MLH3: variants seen among roughly 807,000 people sequenced by gnomAD.
MLH3 encodes the protein DNA mismatch repair protein Mlh3.
A neutral mutation model predicts 122.2 loss-of-function variants in MLH3; 82 were observed. The ratio of observed to expected loss-of-function variants is 0.67; its 90% CI spans 0.56 to 0.81. MLH3 has a LOEUF of 0.81. Among genes scored for constraint, MLH3 ranks in the 30% least tolerant of loss-of-function variants. MLH3 has a pLI of 0.00. For synonymous variants in MLH3, 524 were observed against 599.5 expected, an observed-to-expected ratio of 0.87 and a Z score of 1.84; for missense variants, 1,539 against 1,714.5, an observed-to-expected ratio of 0.90 and a Z score of 1.81.
chr14:75,038,692 C>G (rs1891593097), intron 5 of MLH3, among the ~76,000 whole-genome samples: 1 of 152,014 alleles, frequency 6.6e-6, no homozygotes, highest in Non-Finnish European at 1.5e-5. Flanking sequence ...TAGAGAAGGC[C>G]TGAGATGTTC....
chr14:75,031,627 C>T (rs1323973656), intron 8 of MLH3, among the ~76,000 whole-genome samples: 1 of 152,150 alleles, frequency 6.6e-6, no homozygotes, highest in African/African-American at 2.4e-5. Flanking sequence ...GCCTGGGTAA[C>T]ATGGCGAAAA....
chr14:75,027,922 G>A (rs1290455019), intron 9 of MLH3, among the ~76,000 whole-genome samples: 4 of 151,572 alleles, frequency 2.6e-5, no homozygotes, highest in Non-Finnish European at 4.4e-5. Context: ...GGATAGAGAA[G>A]TGAATTACTT....
chr14:75,046,629 T>C lies in MLH3; in HGVS notation c.3027A>G (p.Val1009=). 4 of 1,614,254 alleles carry C rather than the reference T, an allele frequency of 2.5e-6. No homozygotes were observed. Among genetic ancestry groups the C allele is most frequent in the Non-Finnish European group, 3.4e-6 (4 of 1,180,034 alleles). The change falls in exon 2 of 13, where the codon GTA becomes GTG. Residue 1009 remains valine (V), a synonymous_variant. Transcript: ENST00000355774. The stretch of plus-strand genomic sequence containing the variant: ...CATTTTGGTCACCTGTGGCATCTTC[T>C]ACCGGATTCATTAACATTCCACTGG... ...DSPSGMLMNP[V]EDATGDQNGI... is the part of the protein sequence containing the mutation.
rs1220602758 is a variant in MLH3 at position 75,047,561 on chromosome 14, C to T, written c.2095G>A (p.Glu699Lys). The T allele has an allele frequency of 1.2e-6, 2 of 1,613,994 alleles. No homozygotes were observed. Among genetic ancestry groups the T allele is most frequent in the South Asian group, 2.2e-5 (2 of 91,082 alleles). Residue 699 changes from glutamate (E) to lysine (K), a missense_variant, in exon 2 of 13, where the codon GAA becomes AAA. Coordinates refer to ENST00000355774, the MANE Select transcript of MLH3 (RefSeq NM_001040108.2). The part of the protein sequence containing the change: ...ATYTMFSAFQ[E>K]GSKKSQTDCI... ...TCTGTTTGTGATTTTTTGCTACCTT[C>T]CTGAAAAGCAGAAAACATTGTATAA...
At chr14:75,024,393 G>A (rs949252347) in intron 9 of MLH3, among the ~76,000 whole-genome samples, 1 of 152,150 alleles carries the variant, frequency 6.6e-6, no homozygotes, top group African/African-American at 2.4e-5. Flanking sequence ...TAGAGACAGG[G>A]TTTCTCCATG....
Position 75,048,911 on chromosome 14 carries a change from T to C in MLH3, c.745A>G (p.Met249Val), listed in dbSNP as rs1566609156. The C allele has an allele frequency of 6.2e-7, 1 of 1,613,682 alleles. No homozygotes were observed. Among genetic ancestry groups the C allele is most frequent in the East Asian group, 2.2e-5 (1 of 44,882 alleles). Residue 249 changes from methionine (M) to valine (V), a missense_variant, in exon 2 of 13, where the codon ATG becomes GTG. Transcript: ENST00000355774. ...ISSEAHYNKN[M>V]QFLFVNKRLV... Reference sequence around the variant, plus strand: ...CTTTTGTTCACAAACAAAAACTGCATATTCTTGTTGTAATGTGCTTCAGAG... The same window carrying C: ...CTTTTGTTCACAAACAAAAACTGCACATTCTTGTTGTAATGTGCTTCAGAG...
chr14:75,039,391 A>C (rs1326710317), intron 5 of MLH3, among the ~76,000 whole-genome samples: 1 of 152,178 alleles, frequency 6.6e-6, no homozygotes, highest in African/African-American at 2.4e-5. Context: ...AGGGAATAAG[A>C]CAGCCATGGT....
chr14:75,030,212 A>G (rs1475089810), intron 9 of MLH3, among the ~76,000 whole-genome samples: 10 of 151,946 alleles, frequency 6.6e-5, no homozygotes, highest in African/African-American at 2.4e-4. Context: ...CATTGACTTC[A>G]CCTCCCCAGG....
At chr14:75,042,290 C>A in intron 3 of MLH3, 89 bp downstream of exon 3, 9 of 1,105,296 alleles carry the variant, frequency 8.1e-6, no homozygotes, top group Non-Finnish European at 1.1e-5. Context: ...ACAGCTGGCA[C>A]TGATCAAGCT....
intron 6 of MLH3, 34 bp downstream of exon 6, chr14:75,038,306 C>T (rs762163816): frequency 1.4e-6 from 2 of 1,461,064 alleles, no homozygotes; most frequent in East Asian, 2.3e-5. Flanking sequence ...AGAAGACCAG[C>T]TGGTTAATCA....
rs1247429007 is a variant in MLH3, at chr14:75,046,768, C to A, written c.2888G>T (p.Cys963Phe). 1 of 1,614,178 alleles carries A rather than the reference C, an allele frequency of 6.2e-7. No homozygotes were observed. Residue 963 changes from cysteine to phenylalanine, a missense_variant, in exon 2 of 13, where the codon TGT (cysteine) becomes TTT (phenylalanine). Cys to Phe is a radical substitution (Grantham distance 205). Coordinates refer to ENST00000355774, the MANE Select transcript of MLH3 (RefSeq NM_001040108.2). ...TACCAAAGGAGTTTCTGATATCACACAGTTCTCTGTTGTATTGCTGTTAGA... is the reference window on the plus strand; with the variant it reads ...TACCAAAGGAGTTTCTGATATCACAAAGTTCTCTGTTGTATTGCTGTTAGA... ...THSNSNTTEN[C>F]VISETPLVLP...
chr14:75,032,049 T>A lies in MLH3; in HGVS notation c.3827+19A>T, dbSNP rs1340786781. Reference sequence around the variant, plus strand: ...GAGAATTGATACCATCAACATCACATTCTCATGGTGGTACTGACCATAAGA... The same window carrying A: ...GAGAATTGATACCATCAACATCACAATCTCATGGTGGTACTGACCATAAGA... On this transcript the variant is annotated intron_variant, in intron 8 of 12. Transcript: ENST00000355774. The A allele has an allele frequency of 3.7e-6, 5 of 1,353,310 alleles. No homozygotes were observed. The African/African-American group carries it at 7.2e-5, about 19-fold the overall frequency. The allele number at this position is 1,353,310 out of a possible 1,614,324, so 83.8% of individuals were successfully genotyped here. A position where few individuals can be genotyped will look rare whatever the true frequency, so the allele number is the denominator to read the frequency against.
At chr14:75,045,881 A>T (rs909462810) in intron 2 of MLH3, among the ~76,000 whole-genome samples, 4 of 152,090 alleles carry the variant, frequency 2.6e-5, no homozygotes, top group African/African-American at 9.7e-5. Flanking sequence ...TCTCCATTTA[A>T]ATAGTGTTGG....
chr14:75,022,761 G>A, intron 11 of MLH3, 53 bp downstream of exon 11: 1 of 1,518,426 alleles, frequency 6.6e-7, no homozygotes, highest in Non-Finnish European at 9.1e-7. Flanking sequence ...CGGCAGCCCT[G>A]CCAGGGCTCT....
chr14:75,031,941 A>G, intron 8 of MLH3, 127 bp downstream of exon 8: 1 of 738,066 alleles, frequency 1.4e-6, no homozygotes, highest in Non-Finnish European at 2.4e-6. Context: ...AACTGCTATG[A>G]CCTTAGACAA....
At chr14:75,037,048 T>C (rs1258543269) in intron 6 of MLH3, among the ~76,000 whole-genome samples, 1 of 121,704 alleles carries the variant, frequency 8.2e-6, no homozygotes, top group Non-Finnish European at 1.8e-5. Flanking sequence ...ATACAAATGA[T>C]AAAAAATGAA....
intron 6 of MLH3, among the ~76,000 whole-genome samples, chr14:75,034,677 G>A (rs1289782203): frequency 6.6e-6 from 1 of 152,028 alleles, no homozygotes; most frequent in East Asian, 1.9e-4. Context: ...ACAGAAAGAG[G>A]TGATGCCCAG....
chr14:75,028,971 A>G (rs1206953180), intron 9 of MLH3, among the ~76,000 whole-genome samples: 2 of 151,132 alleles, frequency 1.3e-5, no homozygotes, highest in African/African-American at 4.8e-5. Flanking sequence ...CAACATGGTG[A>G]GACCCCATCT....
intron 3 of MLH3, 142 bp downstream of exon 3, chr14:75,042,237 G>A (rs745613515): frequency 1.8e-5 from 14 of 757,392 alleles, no homozygotes; most frequent in Non-Finnish European, 2.6e-5. Context: ...AATTAGTTCC[G>A]CTGTTAAACA....
Sources: allele counts gnomAD v4.1 joint callset (sites outside exome capture counted in the v4.1 genomes callset), GRCh38; gene constraint gnomAD v4.1.1; transcripts MANE v1.5; gene names NCBI Gene and HGNC (gene_info 2026-07-23, HGNC 2026-07-21).